GPHN: variants seen among roughly 807,000 people sequenced by gnomAD.
The protein encoded by GPHN is gephyrin.
In GPHN, 17 loss-of-function variants were observed where a neutral mutation model predicts 95.5. The observed-to-expected ratio is 0.18, with a 90% CI of 0.12 to 0.27. The LOEUF (loss-of-function observed/expected upper bound fraction) is 0.27, where lower values mean the gene tolerates loss of function less well. Among genes scored for constraint, GPHN ranks in the 10% least tolerant of loss-of-function variants. The pLI is 1.00. For missense variants in GPHN, 660 were observed against 978.1 expected, an observed-to-expected ratio of 0.67 and a Z score of 4.34; for synonymous variants, 320 against 322.5, an observed-to-expected ratio of 0.99 and a Z score of 0.08.
At chr14:67,213,496 A>C in the GPHN span, among the ~76,000 whole-genome samples, 1 of 151,324 alleles carries the variant, frequency 6.6e-6, no homozygotes, top group African/African-American at 2.4e-5. Context: ...ACATGAACTC[A>C]TCATTTTTTA....
chr14:66,628,405 T>G (rs1160057058), intron 1 of GPHN, among the ~76,000 whole-genome samples: 1 of 152,124 alleles, frequency 6.6e-6, no homozygotes, highest in Non-Finnish European at 1.5e-5. Context: ...CTGTACTGAA[T>G]GAATATTGTA....
chr14:66,803,051 A>G (rs1223077563), intron 3 of GPHN, among the ~76,000 whole-genome samples: 2 of 152,084 alleles, frequency 1.3e-5, no homozygotes, highest in African/African-American at 4.8e-5. Flanking sequence ...TGTGGCCTCA[A>G]CTGCCTTTGA....
At chr14:66,986,219 A>G (rs1326236190) in intron 9 of GPHN, among the ~76,000 whole-genome samples, 1 of 152,122 alleles carries the variant, frequency 6.6e-6, no homozygotes, top group South Asian at 2.1e-4. Context: ...TATGTATTCA[A>G]TACACATAAT....
intron 3 of GPHN, among the ~76,000 whole-genome samples, chr14:66,787,813 A>G (rs2042051492): frequency 6.6e-6 from 1 of 151,760 alleles, no homozygotes; most frequent in Admixed American, 6.6e-5. Flanking sequence ...ATGCTTTATT[A>G]CAAAATTATT....
the GPHN span, among the ~76,000 whole-genome samples, chr14:67,347,848 C>T: frequency 7.9e-5 from 12 of 151,916 alleles, no homozygotes; most frequent in Non-Finnish European, 1.2e-4. Context: ...TTTCATCAAA[C>T]TCAAAAATCA....
At chr14:66,965,349 T>C (rs2069246926) in intron 9 of GPHN, 24 bp downstream of exon 9, 12 of 1,607,132 alleles carry the variant, frequency 7.5e-6, no homozygotes, top group Non-Finnish European at 1.0e-5. Context: ...CTTCGCATCT[T>C]ACACCTGCTC....
At chr14:67,012,970 T>G (rs1022095661) in intron 9 of GPHN, among the ~76,000 whole-genome samples, 4 of 152,134 alleles carry the variant, frequency 2.6e-5, no homozygotes, top group African/African-American at 9.6e-5. Context: ...GAAACTATCT[T>G]ATTTATGTAC....
chr14:67,698,053 C>A, the GPHN span, among the ~76,000 whole-genome samples: 1 of 152,248 alleles, frequency 6.6e-6, no homozygotes, highest in East Asian at 1.9e-4. Context: ...TGGGGCTAAT[C>A]AACATTGCAG....
At chr14:67,430,147 G>C in the GPHN span, among the ~76,000 whole-genome samples, 1 of 152,164 alleles carries the variant, frequency 6.6e-6, no homozygotes, top group Non-Finnish European at 1.5e-5. Context: ...GGTACGATGG[G>C]ACATGGAGAC....
In GPHN at chr14:66,872,441, C is replaced by A. The variant is rs2063478082; in HGVS notation, c.295-7498C>A. Reference sequence around the variant, plus strand: ...CATGTATTTCACCCTCAAGTTTTAGCCTAAAATGTATCTTGACCATTATAC... The same window carrying A: ...CATGTATTTCACCCTCAAGTTTTAGACTAAAATGTATCTTGACCATTATAC... On this transcript the variant is annotated intron_variant, in intron 4 of 22. Transcript: ENST00000478722. Among the ~76,000 whole-genome samples the A allele has an allele frequency of 2.0e-5, 3 of 152,078 alleles. No homozygotes were observed. The South Asian group carries it at 6.2e-4, about 32-fold the overall frequency.
chr14:67,476,956 T>C, the GPHN span, among the ~76,000 whole-genome samples: 6 of 152,072 alleles, frequency 3.9e-5, no homozygotes, highest in Non-Finnish European at 8.8e-5. Context: ...TGAAACCCTG[T>C]CTCTACTAAA....
chr14:66,629,822 CA>C (rs1177882158), intron 1 of GPHN, among the ~76,000 whole-genome samples: 1 of 152,116 alleles, frequency 6.6e-6, no homozygotes, highest in African/African-American at 2.4e-5. Flanking sequence ...ACTGAAATAT[CA>C]TTATGCAGTG....
chr14:66,782,047 A>G (rs771696003), intron 3 of GPHN, among the ~76,000 whole-genome samples: 1 of 152,164 alleles, frequency 6.6e-6, no homozygotes, highest in East Asian at 1.9e-4. Context: ...GTATATTACT[A>G]TAGATTTTAT....
chr14:67,342,792 C>T, the GPHN span, among the ~76,000 whole-genome samples: 1 of 151,512 alleles, frequency 6.6e-6, no homozygotes, highest in South Asian at 2.1e-4. Context: ...AATTCCCAAG[C>T]AAAGGAATTT....
the GPHN span, among the ~76,000 whole-genome samples, chr14:67,485,813 G>A: frequency 2.6e-5 from 4 of 152,222 alleles, no homozygotes; most frequent in Non-Finnish European, 4.4e-5. Flanking sequence ...ACCCTACCTC[G>A]AGCTTGTCTC....
intron 9 of GPHN, among the ~76,000 whole-genome samples, chr14:67,004,702 G>T (rs1400301055): frequency 6.6e-6 from 1 of 151,704 alleles, no homozygotes; most frequent in African/African-American, 2.4e-5. Flanking sequence ...AAAGAATTTG[G>T]TAAAGGCAGA....
intron 1 of GPHN, among the ~76,000 whole-genome samples, chr14:66,513,863 G>T (rs2058138919): frequency 6.6e-6 from 1 of 151,866 alleles, no homozygotes. Context: ...ACTAAGTAGA[G>T]CTTCTTGAAA....
At chr14:67,651,271 G>A in the GPHN span, 1 of 1,586,410 alleles carries the variant, frequency 6.3e-7, no homozygotes, top group Non-Finnish European at 8.6e-7. Flanking sequence ...TGGCTATACA[G>A]TGCATCCTTG....
chr14:66,657,353 A>C (rs1467648881), intron 1 of GPHN, among the ~76,000 whole-genome samples: 1 of 152,220 alleles, frequency 6.6e-6, no homozygotes. Context: ...TAAAGCTGCA[A>C]GTGGTGATTT....
Sources: allele counts gnomAD v4.1 joint callset (sites outside exome capture counted in the v4.1 genomes callset), GRCh38; gene constraint gnomAD v4.1.1; transcripts MANE v1.5; gene names NCBI Gene and HGNC (gene_info 2026-07-23, HGNC 2026-07-21).